TRMT11: variants seen among roughly 807,000 people sequenced by gnomAD.
The protein encoded by TRMT11 is tRNA (guanine(10)-N(2))-methyltransferase TRMT11.
TRMT11 carries 53 observed loss-of-function variants against 62.8 expected under a neutral mutation model. The ratio of observed to expected loss-of-function variants is 0.84; its 90% CI spans 0.68 to 1.06. TRMT11 has a LOEUF of 1.06. Ranked by LOEUF, TRMT11 falls within the 50% of genes least tolerant of loss-of-function variation. The probability of loss-of-function intolerance (pLI) is 0.00; values close to 1 mark genes in which losing one functional copy is unlikely to be tolerated. For synonymous variants in TRMT11, 188 were observed against 190.3 expected, an observed-to-expected ratio of 0.99 and a Z score of 0.10; for missense variants, 556 against 553.4, an observed-to-expected ratio of 1.00 and a Z score of -0.05.
chr6:126,102,072 G>A (rs1165843460), intron 17 of TRMT11, among the ~76,000 whole-genome samples: 3 of 152,150 alleles, frequency 2.0e-5, no homozygotes, highest in African/African-American at 7.2e-5. Context: ...GCAAGAGAGG[G>A]GATGGGTGCT....
At chr6:125,993,691 C>T (rs1761432166) in intron 1 of TRMT11, 66 bp from the exon 2 acceptor site, 2 of 1,009,320 alleles carry the variant, frequency 2.0e-6, no homozygotes, top group Admixed American at 3.8e-5. Context: ...TAATACCTGT[C>T]TCCCTTAGTA....
At chr6:126,188,982 A>C (rs1393411670) in intron 1 of TRMT11, among the ~76,000 whole-genome samples, 1 of 152,108 alleles carries the variant, frequency 6.6e-6, no homozygotes, top group Non-Finnish European at 1.5e-5. Context: ...AAAAGCAATG[A>C]CTATCTCCTA....
chr6:126,118,285 T>C (rs1777612946), intron 21 of TRMT11, among the ~76,000 whole-genome samples: 1 of 152,098 alleles, frequency 6.6e-6, no homozygotes, highest in South Asian at 2.1e-4. Flanking sequence ...ACACTCTAAG[T>C]GGCTGTCAGT....
At chr6:126,181,548 G>A (rs1385559203) in intron 1 of TRMT11, among the ~76,000 whole-genome samples, 2 of 152,096 alleles carry the variant, frequency 1.3e-5, no homozygotes, top group African/African-American at 2.4e-5. Flanking sequence ...GGGTTTTGTG[G>A]GTTGGACCAA....
chr6:126,014,929 C>CTTAGTA (rs1794758610), intron 11 of TRMT11, among the ~76,000 whole-genome samples: 2 of 152,106 alleles, frequency 1.3e-5, no homozygotes, highest in East Asian at 3.9e-4. Context: ...ATCTCGTATA[C>CTTAGTA]TTAGTACATG....
the TRMT11 span, among the ~76,000 whole-genome samples, chr6:126,251,790 C>T: frequency 1.3e-5 from 2 of 152,222 alleles, no homozygotes; most frequent in African/African-American, 2.4e-5. Context: ...CCTCTATCCT[C>T]TGTTCTAACT....
At chr6:126,035,278 A>G (rs576173880) in intron 12 of TRMT11, among the ~76,000 whole-genome samples, 17 of 152,272 alleles carry the variant, frequency 1.1e-4, no homozygotes, top group Admixed American at 1.1e-3. Context: ...CTTAAGTGAA[A>G]ATAGTAGCCA....
At chr6:126,119,469 T>G (rs1173671574) in intron 21 of TRMT11, among the ~76,000 whole-genome samples, 3 of 132,140 alleles carry the variant, frequency 2.3e-5, no homozygotes, top group African/African-American at 3.2e-5. Flanking sequence ...ATAAGATCCT[T>G]TCTTCTTTGA....
At chr6:126,259,350 C>A in the TRMT11 span, among the ~76,000 whole-genome samples, 2 of 152,202 alleles carry the variant, frequency 1.3e-5, no homozygotes, top group African/African-American at 4.8e-5. Flanking sequence ...GCATGTGCCA[C>A]CACGCTTGGA....
At chr6:126,135,443 A>G (rs1050791710) in intron 21 of TRMT11, among the ~76,000 whole-genome samples, 4 of 151,796 alleles carry the variant, frequency 2.6e-5, no homozygotes, top group Non-Finnish European at 5.9e-5. Flanking sequence ...CCATGAAAAA[A>G]TAGAAAACCT....
chr6:126,129,993 G>A (rs992514835), intron 21 of TRMT11, among the ~76,000 whole-genome samples: 1 of 151,986 alleles, frequency 6.6e-6, no homozygotes, highest in Non-Finnish European at 1.5e-5. Context: ...GGAGACACCT[G>A]GTGCATAGAG....
At chr6:126,239,190 G>T in the TRMT11 span, among the ~76,000 whole-genome samples, 3 of 152,162 alleles carry the variant, frequency 2.0e-5, no homozygotes, top group Non-Finnish European at 4.4e-5. Context: ...TTTAATTGGA[G>T]CATTTAGCCT....
intron 17 of TRMT11, among the ~76,000 whole-genome samples, chr6:126,098,565 C>G (rs1037860037): frequency 1.3e-5 from 2 of 152,154 alleles, no homozygotes; most frequent in African/African-American, 4.8e-5. Context: ...GCATCCTCTC[C>G]CCAGCAGCAA....
At position 126,000,840 on chromosome 6, in the gene TRMT11, C is replaced by A. The variant is rs1035176983; in HGVS notation, c.679+1227C>A. 2.6e-5 allele frequency among the ~76,000 whole-genome samples: 4 copies of A among 152,174 alleles called. No homozygotes were observed. In the East Asian group the frequency reaches 7.7e-4, roughly 29 times the overall value. On this transcript the variant is annotated intron_variant, in intron 7 of 12. Transcript: ENST00000334379. ...CAGCATACTCTATATTCTTTTCTTC[C>A]CCACTCTCATTATCCTAAGTAACTC...
the TRMT11 span, among the ~76,000 whole-genome samples, chr6:126,238,784 T>C: frequency 6.6e-6 from 1 of 152,240 alleles, no homozygotes; most frequent in Non-Finnish European, 1.5e-5. Context: ...TTCTGTCTCA[T>C]TGATCTATCC....
At chr6:126,232,402 C>A in the TRMT11 span, among the ~76,000 whole-genome samples, 3 of 150,744 alleles carry the variant, frequency 2.0e-5, no homozygotes, top group Non-Finnish European at 4.4e-5. Flanking sequence ...TTTTATAGAA[C>A]AGTAGAAAAC....
At chr6:125,987,890 T>C (rs2128722954) in intron 1 of TRMT11, among the ~76,000 whole-genome samples, 1 of 152,334 alleles carries the variant, frequency 6.6e-6, no homozygotes, top group African/African-American at 2.4e-5. Context: ...GGTGGATATA[T>C]GAATATGCAT....
chr6:126,012,758 G>A lies in TRMT11; in HGVS notation c.926-13G>A, dbSNP rs775066900. The A allele has an allele frequency of 1.2e-6, 2 of 1,608,852 alleles. No individual in the cohort carries two copies. Among genetic ancestry groups the A allele is most frequent in the Non-Finnish European group, 1.7e-6 (2 of 1,176,816 alleles). ...ACTTTTGACTATCTGTGTTACCTTT[G>A]TTTTCTGTCTAGCTCCATATGGTAT... On this transcript the variant is annotated splice_polypyrimidine_tract_variant and intron_variant, in intron 9 of 12. Transcript: ENST00000334379.
chr6:126,194,563 A>G (rs990419156), intron 1 of TRMT11, among the ~76,000 whole-genome samples: 1 of 152,174 alleles, frequency 6.6e-6, no homozygotes, highest in Non-Finnish European at 1.5e-5. Flanking sequence ...AAACTTTGGA[A>G]CTGCTCTAAA....
Sources: allele counts gnomAD v4.1 joint callset (sites outside exome capture counted in the v4.1 genomes callset), GRCh38; gene constraint gnomAD v4.1.1; transcripts MANE v1.5; gene names NCBI Gene and HGNC (gene_info 2026-07-23, HGNC 2026-07-21).